Variants in PLS1 observed in about 807,000 individuals in gnomAD.
PLS1 encodes plastin-1.
PLS1 carries 32 observed loss-of-function variants against 73.7 expected under a neutral mutation model. The observed-to-expected ratio is 0.43, with a 90% CI of 0.33 to 0.58. The LOEUF (loss-of-function observed/expected upper bound fraction) is 0.58. Among genes scored for constraint, PLS1 ranks in the 20% least tolerant of loss-of-function variants. PLS1 has a pLI of 0.04. For missense variants in PLS1, 633 were observed against 740.5 expected, an observed-to-expected ratio of 0.85 and a Z score of 1.68; for synonymous variants, 217 against 261.3, an observed-to-expected ratio of 0.83 and a Z score of 1.63.
chr3:142,654,065 G>T (rs988446588), intron 1 of PLS1, among the ~76,000 whole-genome samples: 3 of 152,118 alleles, frequency 2.0e-5, no homozygotes, highest in Non-Finnish European at 4.4e-5. Flanking sequence ...GAAAAGTCTT[G>T]GTGGCAAGTC....
chr3:142,610,822 C>G (rs927586853), intron 1 of PLS1, among the ~76,000 whole-genome samples: 2 of 152,192 alleles, frequency 1.3e-5, no homozygotes, highest in African/African-American at 4.8e-5. Flanking sequence ...CCATCTCAGG[C>G]TTTTCATGTT....
chr3:142,694,773 A>G (rs1029309388), intron 11 of PLS1, among the ~76,000 whole-genome samples: 4 of 152,246 alleles, frequency 2.6e-5, no homozygotes, highest in Non-Finnish European at 4.4e-5. Flanking sequence ...ATCAGTAAAG[A>G]TAATCCTTTT....
At chr3:142,690,948 T>C (rs2038072849) in intron 10 of PLS1, among the ~76,000 whole-genome samples, 1 of 152,150 alleles carries the variant, frequency 6.6e-6, no homozygotes, top group African/African-American at 2.4e-5. Context: ...TTAAGATTTT[T>C]CTTGCTAATT....
intron 1 of PLS1, among the ~76,000 whole-genome samples, chr3:142,629,392 G>C (rs1239595482): frequency 6.6e-6 from 1 of 151,934 alleles, no homozygotes; most frequent in Admixed American, 6.6e-5. Context: ...TAGTAGAGAC[G>C]GGGTTTCACC....
intron 10 of PLS1, among the ~76,000 whole-genome samples, chr3:142,692,648 T>C (rs1397581072): frequency 2.0e-5 from 3 of 152,116 alleles, no homozygotes; most frequent in Non-Finnish European, 2.9e-5. Context: ...CCCCCGAAGA[T>C]AGTTTCAGAA....
intron 6 of PLS1, among the ~76,000 whole-genome samples, chr3:142,679,024 T>G (rs1163877794): frequency 6.6e-6 from 1 of 151,896 alleles, no homozygotes; most frequent in Non-Finnish European, 1.5e-5. Flanking sequence ...TGATGGCCAG[T>G]GATGATGAGC....
chr3:142,703,772 A>G (rs2107955857), intron 12 of PLS1, 96 bp from the exon 13 acceptor site: 1 of 696,386 alleles, frequency 1.4e-6, no homozygotes, highest in Non-Finnish European at 2.5e-6. Flanking sequence ...TTAAGGTGTC[A>G]TCATAATTGT....
intron 1 of PLS1, among the ~76,000 whole-genome samples, chr3:142,628,079 C>A (rs550303806): frequency 1.3e-5 from 2 of 152,296 alleles, no homozygotes; most frequent in South Asian, 2.1e-4. Context: ...GCTCAGAGCT[C>A]TTTCTTGAAT....
At chr3:142,708,378 C>G (rs1360402194) in intron 14 of PLS1, among the ~76,000 whole-genome samples, 1 of 152,186 alleles carries the variant, frequency 6.6e-6, no homozygotes, top group Non-Finnish European at 1.5e-5. Context: ...TCCCGAGTAG[C>G]TGGGACTACA....
chr3:142,639,955 T>C (rs2036794348), intron 1 of PLS1, among the ~76,000 whole-genome samples: 1 of 152,234 alleles, frequency 6.6e-6, no homozygotes, highest in South Asian at 2.1e-4. Context: ...TAGTTCTACA[T>C]GTATTTCAAG....
chr3:142,633,329 CTGAAA>C (rs1384959141), intron 1 of PLS1, among the ~76,000 whole-genome samples: 1 of 152,168 alleles, frequency 6.6e-6, no homozygotes, highest in Non-Finnish European at 1.5e-5. Flanking sequence ...ATCAACACTA[CTGAAA>C]TGTATACTTA....
At chr3:142,636,685 A>T (rs2036700016) in intron 1 of PLS1, among the ~76,000 whole-genome samples, 1 of 152,240 alleles carries the variant, frequency 6.6e-6, no homozygotes, top group Non-Finnish European at 1.5e-5. Context: ...TATCTAATAA[A>T]GCACCTATAT....
intron 12 of PLS1, 68 bp downstream of exon 12, chr3:142,698,135 A>C (rs2038250429): frequency 8.5e-6 from 8 of 936,462 alleles, no homozygotes; most frequent in Non-Finnish European, 1.2e-5. Flanking sequence ...TTAGAGTTTC[A>C]TGAAGTTATA....
At chr3:142,689,333 G>T (rs1463709463) in intron 9 of PLS1, among the ~76,000 whole-genome samples, 2 of 152,000 alleles carry the variant, frequency 1.3e-5, no homozygotes, top group African/African-American at 4.8e-5. Context: ...TGAGGGAGGA[G>T]AATCACTTGA....
chr3:142,683,466 T>G (rs2107887465), intron 6 of PLS1, among the ~76,000 whole-genome samples: 1 of 152,254 alleles, frequency 6.6e-6, no homozygotes, highest in East Asian at 1.9e-4. Context: ...ATAGTGCCAT[T>G]GCACTCCAGC....
chr3:142,598,275 A>C (rs1042265413), intron 1 of PLS1, among the ~76,000 whole-genome samples: 1 of 152,176 alleles, frequency 6.6e-6, no homozygotes, highest in African/African-American at 2.4e-5. Flanking sequence ...CTATGACTTA[A>C]ACATCCCACC....
At chr3:142,676,400 T>A in intron 5 of PLS1, 111 bp downstream of exon 5, 1 of 986,612 alleles carries the variant, frequency 1.0e-6, no homozygotes, top group Non-Finnish European at 1.5e-6. Flanking sequence ...AGTAGCTACT[T>A]AGGTCATGAG....
At chr3:142,681,120 C>A (rs932379575) in intron 6 of PLS1, among the ~76,000 whole-genome samples, 2 of 152,260 alleles carry the variant, frequency 1.3e-5, no homozygotes, top group East Asian at 3.9e-4. Context: ...AATAAAACTG[C>A]ATGATAGCCT....
chr3:142,602,279 G>A (rs2035940961), intron 1 of PLS1, among the ~76,000 whole-genome samples: 1 of 151,984 alleles, frequency 6.6e-6, no homozygotes, highest in Admixed American at 6.6e-5. Flanking sequence ...GGTCATCCAG[G>A]GCGTGTCTGT....
Sources: gnomAD v4.1 joint callset for allele counts (sites outside exome capture counted in the v4.1 genomes callset) on GRCh38, gnomAD v4.1.1 for gene constraint, MANE v1.5 for transcripts, NCBI Gene and HGNC (gene_info 2026-07-23, HGNC 2026-07-21) for gene names.